The following TMTC1 variants were observed in gnomAD, a reference collection of about 807,000 sequenced individuals.
TMTC1 encodes the protein transmembrane O-mannosyltransferase targeting cadherins 1.
A neutral mutation model predicts 104.8 loss-of-function variants in TMTC1; 73 were observed. The observed-to-expected ratio is 0.70, with a 90% CI of 0.58 to 0.85. TMTC1 has a LOEUF of 0.85. Ranked by LOEUF, TMTC1 falls within the 40% of genes least tolerant of loss-of-function variation. TMTC1 has a pLI of 0.00. For missense variants in TMTC1, 1,035 were observed against 1,096.1 expected, an observed-to-expected ratio of 0.94 and a Z score of 0.79; for synonymous variants, 434 against 428.7, an observed-to-expected ratio of 1.01 and a Z score of -0.15.
At position 29,604,487 on chromosome 12, in the gene TMTC1, A is replaced by C. The variant is rs572715259; in HGVS notation, c.1129-188T>G. 2.6e-5 allele frequency among the ~76,000 whole-genome samples: 4 copies of C among 152,332 alleles called. No individual in the cohort carries two copies. In the South Asian group the frequency reaches 8.3e-4, roughly 32 times the overall value. The stretch of plus-strand genomic sequence containing the variant: ...GGGCTAAAATGGCTGGCATGTCAAA[A>C]CATACACATGTACCCTGACACACAT... On this transcript the variant is annotated intron_variant, in intron 6 of 17. Coordinates refer to ENST00000539277, the MANE Select transcript of TMTC1 (RefSeq NM_001193451.2).
chr12:29,755,946 C>T (rs1943206609), intron 3 of TMTC1, 61 bp from the exon 4 acceptor site: 1 of 1,521,336 alleles, frequency 6.6e-7, no homozygotes. Context: ...TAAGAAATGC[C>T]ACCTCTTAAA....
intron 7 of TMTC1, 144 bp from the exon 8 acceptor site, chr12:29,583,718 T>A: frequency 1.4e-6 from 1 of 698,754 alleles, no homozygotes; most frequent in Non-Finnish European, 2.3e-6. Flanking sequence ...TGGACAATAT[T>A]AACATGTTAG....
chr12:29,745,496 C>T (rs563255811), intron 5 of TMTC1, among the ~76,000 whole-genome samples: 1 of 151,656 alleles, frequency 6.6e-6, no homozygotes, highest in African/African-American at 2.4e-5. Flanking sequence ...GGTGGCACAC[C>T]TGTAATCCCA....
chr12:29,677,631 T>G (rs1043204172), intron 5 of TMTC1, among the ~76,000 whole-genome samples: 5 of 152,250 alleles, frequency 3.3e-5, no homozygotes, highest in Non-Finnish European at 7.3e-5. Flanking sequence ...ATCACATGCC[T>G]TTTAAGTTGT....
rs544452059 is a variant in TMTC1, at chr12:29,601,760, A to T, written c.1250+2418T>A. Among the ~76,000 whole-genome samples the T allele has an allele frequency of 2.9e-4, 44 of 152,222 alleles. No individual in the cohort carries two copies. The South Asian group carries it at 9.1e-3, about 32-fold the overall frequency. On this transcript the variant is annotated intron_variant, in intron 7 of 17. Coordinates refer to ENST00000539277, the MANE Select transcript of TMTC1 (RefSeq NM_001193451.2). ...TGTTATCAGCTACCTCAGGGAACTG[A>T]TATCACAATAAAAATACTTAGTATT...
intron 10 of TMTC1, among the ~76,000 whole-genome samples, chr12:29,544,210 C>T (rs1944879228): frequency 6.6e-6 from 1 of 150,888 alleles, no homozygotes; most frequent in South Asian, 2.1e-4. Flanking sequence ...CCACTGCACT[C>T]CAGCCTGGGC....
At chr12:29,668,227 G>A (rs35082860) in intron 5 of TMTC1, among the ~76,000 whole-genome samples, 4,451 of 152,248 alleles carry the variant, frequency 0.029, 102 homozygotes, top group Non-Finnish European at 0.047. Context: ...GAGAGTGCAA[G>A]ATCAAGGCAC....
intron 5 of TMTC1, among the ~76,000 whole-genome samples, chr12:29,663,769 G>C (rs1284844030): frequency 2.0e-5 from 3 of 150,878 alleles, no homozygotes; most frequent in Non-Finnish European, 4.4e-5. Flanking sequence ...CACCCACCTC[G>C]GCCTCTCAAA....
chr12:29,633,854 A>T (rs11050331), intron 5 of TMTC1, among the ~76,000 whole-genome samples: 25,838 of 152,200 alleles, frequency 0.17, 3,652 homozygotes, highest in East Asian at 0.52. Context: ...AGACACAGGG[A>T]CAATGGATGG....
chr12:29,755,982 G>T, intron 3 of TMTC1, 97 bp from the exon 4 acceptor site: 1 of 1,232,636 alleles, frequency 8.1e-7, no homozygotes, highest in Non-Finnish European at 1.1e-6. Context: ...CAATTTCATT[G>T]CATTCTAAGT....
At chr12:29,760,200 C>T (rs547550069) in intron 2 of TMTC1, among the ~76,000 whole-genome samples, 21 of 152,092 alleles carry the variant, frequency 1.4e-4, no homozygotes, top group African/African-American at 4.8e-4. Context: ...AGAACATGTC[C>T]CCATTGTTAA....
intron 7 of TMTC1, among the ~76,000 whole-genome samples, chr12:29,585,566 A>G (rs1411790652): frequency 1.3e-5 from 2 of 152,084 alleles, no homozygotes; most frequent in African/African-American, 2.4e-5. Context: ...GGGTTTTTAT[A>G]GTTTTAGGTC....
intron 5 of TMTC1, among the ~76,000 whole-genome samples, chr12:29,741,321 G>A (rs968732540): frequency 2.0e-4 from 30 of 152,282 alleles, no homozygotes; most frequent in African/African-American, 5.8e-4. Context: ...TCTCATTTTA[G>A]GATCAACCTC....
chr12:29,728,442 A>C (rs1942459035), intron 5 of TMTC1, among the ~76,000 whole-genome samples: 1 of 152,138 alleles, frequency 6.6e-6, no homozygotes. Flanking sequence ...CAGGGAGTGC[A>C]GGGTTGTACA....
chr12:29,553,632 T>G (rs978543680), intron 10 of TMTC1, among the ~76,000 whole-genome samples: 41 of 152,208 alleles, frequency 2.7e-4, no homozygotes, highest in African/African-American at 8.7e-4. Flanking sequence ...AGCATTGTTG[T>G]TGATTTGGAT....
At chr12:29,599,986 G>GTGTGTATACATATATATA (rs1565699720) in intron 7 of TMTC1, among the ~76,000 whole-genome samples, 1 of 99,150 alleles carries the variant, frequency 1.0e-5, no homozygotes, top group African/African-American at 6.4e-5. Context: ...GTGTGTGTGT[G>GTGTGTATACATATATATA]TATATACATA....
chr12:29,731,230 C>A (rs938167538), intron 5 of TMTC1, among the ~76,000 whole-genome samples: 2 of 152,150 alleles, frequency 1.3e-5, no homozygotes, highest in Non-Finnish European at 2.9e-5. Context: ...AATCTAGGCT[C>A]ACTGCAACCT....
chr12:29,566,041 G>A (rs913137282), intron 9 of TMTC1, among the ~76,000 whole-genome samples: 6 of 152,246 alleles, frequency 3.9e-5, no homozygotes, highest in African/African-American at 7.2e-5. Context: ...TGAGTAGAGC[G>A]GAGGGTGATA....
intron 2 of TMTC1, among the ~76,000 whole-genome samples, chr12:29,761,788 T>C (rs1943356803): frequency 6.6e-6 from 1 of 152,122 alleles, no homozygotes; most frequent in Admixed American, 6.5e-5. Context: ...AAAGAATCCA[T>C]CAACAATTAA....
Sources: gnomAD v4.1 joint callset for allele counts (sites outside exome capture counted in the v4.1 genomes callset) on GRCh38, gnomAD v4.1.1 for gene constraint, MANE v1.5 for transcripts, NCBI Gene and HGNC (gene_info 2026-07-23, HGNC 2026-07-21) for gene names.